Variants in LITAF observed in about 807,000 individuals in gnomAD.
The protein encoded by LITAF is lipopolysaccharide-induced tumor necrosis factor-alpha factor.
In LITAF, 9 loss-of-function variants were observed where a neutral mutation model predicts 14.5. That is an observed-to-expected ratio of 0.62 (90% CI 0.37 to 1.08). The LOEUF (loss-of-function observed/expected upper bound fraction) is 1.08. LITAF is among the 50% of genes least tolerant of loss of function. The pLI, the probability that LITAF is intolerant of heterozygous loss-of-function variation, is 0.01. For missense variants in LITAF, 206 were observed against 213.4 expected, an observed-to-expected ratio of 0.97 and a Z score of 0.22; for synonymous variants, 98 against 88.2, an observed-to-expected ratio of 1.11 and a Z score of -0.62.
At chr16:11,604,659 A>G (rs2141869670) in intron 3 of LITAF, among the ~76,000 whole-genome samples, 1 of 151,928 alleles carries the variant, frequency 6.6e-6, no homozygotes, top group East Asian at 1.9e-4. Context: ...AAAAAAAAAA[A>G]AAAAAAAGAA....
At chr16:11,556,434 G>C (rs1422628756) in intron 2 of LITAF, 77 bp downstream of exon 2, 4 of 1,297,920 alleles carry the variant, frequency 3.1e-6, no homozygotes, top group Non-Finnish European at 4.3e-6. Context: ...CTTTGGCAGA[G>C]TCACTTCGGT....
chr16:11,596,014 G>A (rs553669014), intron 1 of LITAF, among the ~76,000 whole-genome samples: 8 of 152,262 alleles, frequency 5.3e-5, no homozygotes, highest in African/African-American at 7.2e-5. Flanking sequence ...GTGAGCAGGC[G>A]GCCTGGCTCC....
At chr16:11,631,853 C>CTT (rs34507448) in intron 3 of LITAF, among the ~76,000 whole-genome samples, 1,444 of 134,506 alleles carry the variant, frequency 0.011, 10 homozygotes, top group African/African-American at 0.016. Flanking sequence ...CTTTTCTTTT[C>CTT]TTTTTTTTTT....
chr16:11,564,253 G>C (rs918209536), intron 1 of LITAF, among the ~76,000 whole-genome samples: 2 of 152,034 alleles, frequency 1.3e-5, no homozygotes, highest in African/African-American at 4.8e-5. Context: ...GGAACCCGCA[G>C]GGAGAAGCCA....
intron 1 of LITAF, among the ~76,000 whole-genome samples, chr16:11,594,427 C>T (rs2064869192): frequency 6.6e-6 from 1 of 152,104 alleles, no homozygotes; most frequent in Non-Finnish European, 1.5e-5. Context: ...AAGGAAGATG[C>T]TTTTCCTCTG....
chr16:11,597,288 G>A (rs1049623168), intron 1 of LITAF, among the ~76,000 whole-genome samples: 38 of 152,240 alleles, frequency 2.5e-4, no homozygotes, highest in Middle Eastern at 6.8e-3. Context: ...GGAAACACAC[G>A]TCTTCATAAC....
Position 11,609,056 on chromosome 16 carries a change from C to A in LITAF, c.85+24477G>T, listed in dbSNP as rs55949003. ...CAGGCAAATTCACAGAGACAGAAAG[C>A]GGATTCATGGTTTTAGGGCTGGGGG... On this transcript the variant is annotated intron_variant, in intron 3 of 3. Coordinates refer to the LITAF transcript ENST00000574848. Among the ~76,000 whole-genome samples the A allele has an allele frequency of 7.6e-3, 1,147 of 151,684 alleles. 8 individuals are homozygous for A. Among genetic ancestry groups the A allele is most frequent in the Middle Eastern group, 0.024 (7 of 288 alleles).
In LITAF at chr16:11,586,809, C is replaced by A. The variant is rs928947172; in HGVS notation, c.-6+77G>T. On this transcript the variant is annotated intron_variant, in intron 1 of 3. Coordinates refer to ENST00000622633, the MANE Select transcript of LITAF (RefSeq NM_001136472.2). The surrounding 1 kb of genome is among the most constrained non-coding windows in gnomAD (Gnocchi z 6.5). ...CCAAGGGCTCAGTGCCCGGGGCCCC[C>A]AGCAGGTGCTGGCGCCACCGGCCCC... is the stretch of plus-strand genomic sequence containing the variant. 5 of 151,920 alleles carry A rather than the reference C, an allele frequency of 3.3e-5. No homozygotes were observed. In the East Asian group the frequency reaches 9.7e-4, roughly 30 times the overall value. 9.4% of individuals were successfully genotyped at this position (151,920 alleles called of 1,614,324 possible). A position where few individuals can be genotyped will look rare whatever the true frequency, so the allele number is the denominator to read the frequency against.
intron 1 of LITAF, among the ~76,000 whole-genome samples, chr16:11,567,701 C>A (rs1317991308): frequency 6.6e-6 from 1 of 151,810 alleles, no homozygotes; most frequent in Non-Finnish European, 1.5e-5. Context: ...AGGGTAGTTC[C>A]AGGCCGGGCA....
rs192516633 is a variant in LITAF at position 11,549,184 on chromosome 16, G to T, written c.*453C>A. The T allele has an allele frequency of 3.3e-4, 150 of 454,244 alleles. 1 individual carries two copies. In the East Asian group the frequency reaches 9.3e-3, roughly 28 times the overall value. The allele number at this position is 454,244 out of a possible 1,614,324, so 28.1% of individuals were successfully genotyped here. On this transcript the variant is annotated 3_prime_UTR_variant, in exon 4 of 4. Coordinates refer to ENST00000622633, the MANE Select transcript of LITAF (RefSeq NM_001136472.2). The surrounding 1 kb of genome is among the most constrained non-coding windows in gnomAD (Gnocchi z 4.6). ...ATCAGGGACGGGAAGAGACGGATAA[G>T]ATAATGGTAGGCACTAAAGGCTGGT... is the stretch of plus-strand genomic sequence containing the variant.
At chr16:11,555,445 G>A (rs2064252915) in intron 2 of LITAF, among the ~76,000 whole-genome samples, 1 of 152,126 alleles carries the variant, frequency 6.6e-6, no homozygotes, top group Non-Finnish European at 1.5e-5. Context: ...AAGATCGTTT[G>A]AGCTCAGGAG....
chr16:11,549,604 C>T lies in LITAF; in HGVS notation c.*33G>A, dbSNP rs766852963. On this transcript the variant is annotated 3_prime_UTR_variant, in exon 4 of 4. Coordinates refer to ENST00000622633, the MANE Select transcript of LITAF (RefSeq NM_001136472.2). The surrounding 1 kb of genome is among the most constrained non-coding windows in gnomAD (Gnocchi z 4.6). ...GATGAGAGGTGGAAAGGACTTCCTG[C>T]GGCACCCGGCTCCCTCCACGTCTGG... The T allele has an allele frequency of 6.6e-6, 10 of 1,526,482 alleles. No homozygotes were observed. The highest frequency in any genetic ancestry group is 5.2e-5 in the Admixed American group (3 of 57,440). 94.6% of individuals were successfully genotyped at this position (1,526,482 alleles called of 1,614,324 possible). A position where few individuals can be genotyped will look rare whatever the true frequency, so the allele number is the denominator to read the frequency against.
At chr16:11,637,983 T>G (rs2065146835), upstream of LITAF, among the ~76,000 whole-genome samples, 1 of 75,686 alleles carries the variant, frequency 1.3e-5, no homozygotes, top group Non-Finnish European at 2.3e-5. Context: ...TCTATATATA[T>G]CTATATATAT....
rs747264942 is a variant in LITAF, at chr16:11,548,501, C to G, written c.*1136G>C. 5.5e-5 allele frequency: 25 copies of G among 453,902 alleles called. No homozygotes were observed. Among genetic ancestry groups the G allele is most frequent in the Non-Finnish European group, 9.7e-5 (22 of 226,780 alleles). 28.1% of individuals were successfully genotyped at this position (453,902 alleles called of 1,614,324 possible). On this transcript the variant is annotated 3_prime_UTR_variant, in exon 4 of 4. Transcript: ENST00000622633. The stretch of plus-strand genomic sequence containing the variant: ...CCACCACCAGGAAACCAAAACGGAC[C>G]CCACTCTGAGAGTTCCATGATGAAG...
chr16:11,633,235 T>C (rs2065125942), intron 3 of LITAF, among the ~76,000 whole-genome samples: 1 of 152,160 alleles, frequency 6.6e-6, no homozygotes, highest in Non-Finnish European at 1.5e-5. Context: ...AGCCTGAGTA[T>C]TGCCTTGGAG....
At chr16:11,615,968 C>T (rs2065017211) in intron 3 of LITAF, among the ~76,000 whole-genome samples, 1 of 152,176 alleles carries the variant, frequency 6.6e-6, no homozygotes, top group South Asian at 2.1e-4. Flanking sequence ...GGTCCAATCA[C>T]CAATGGCCAT....
chr16:11,597,158 G>A (rs1003678937), intron 1 of LITAF, among the ~76,000 whole-genome samples: 2 of 152,086 alleles, frequency 1.3e-5, no homozygotes, highest in East Asian at 3.9e-4. Context: ...CAAGATAGCG[G>A]TCCCAACTCC....
intron 3 of LITAF, among the ~76,000 whole-genome samples, chr16:11,617,426 CT>C (rs71136673): frequency 0.086 from 6,342 of 73,816 alleles, 119 homozygotes; most frequent in African/African-American, 0.21. Flanking sequence ...TGGCTTCACT[CT>C]TTTTTTTTTT....
At chr16:11,638,117 TATAGATAG>T (rs1555475736), upstream of LITAF, among the ~76,000 whole-genome samples, 57 of 69,512 alleles carry the variant, frequency 8.2e-4, 1 homozygote, top group African/African-American at 1.4e-3. Flanking sequence ...TATCTATCTA[TATAGATAG>T]ATAGATAGAT....
Sources: gnomAD v4.1 joint callset for allele counts (sites outside exome capture counted in the v4.1 genomes callset) on GRCh38, gnomAD v4.1.1 for gene constraint, Gnocchi (gnomAD v3.1) non-coding constraint, MANE v1.5 for transcripts, NCBI Gene and HGNC (gene_info 2026-07-23, HGNC 2026-07-21) for gene names.